DENND3: variants seen among roughly 807,000 people sequenced by gnomAD.
DENND3 encodes the protein DENN domain containing 3.
In DENND3, 88 loss-of-function variants were observed where a neutral mutation model predicts 135.1. The ratio of observed to expected loss-of-function variants is 0.65; its 90% CI spans 0.55 to 0.78. The LOEUF is 0.78. DENND3 is among the 30% of genes least tolerant of loss of function. The pLI is 0.00. For synonymous variants in DENND3, 693 were observed against 712.3 expected (o/e 0.97, Z 0.43); for missense variants, 1,392 against 1,688.4 (o/e 0.82, Z 3.08).
At chr8:141,184,885 A>T (rs1823690338) in intron 17 of DENND3, 2 of 392,720 alleles carry the variant, frequency 5.1e-6, no homozygotes, top group Non-Finnish European at 9.2e-6. Context: ...CAAAGCTCAC[A>T]GGCATTCGGC....
intron 13 of DENND3, among the ~76,000 whole-genome samples, chr8:141,172,975 A>G (rs1173239530): frequency 3.6e-5 from 3 of 84,294 alleles, no homozygotes; most frequent in African/African-American, 1.2e-4. Context: ...CCAGCAACTC[A>G]GAACCCCTGG....
intron 9 of DENND3, among the ~76,000 whole-genome samples, chr8:141,161,861 C>T (rs1490078480): frequency 1.4e-5 from 2 of 145,934 alleles, no homozygotes; most frequent in African/African-American, 5.1e-5. Context: ...AATGCAGTGA[C>T]GCCATCTGGG....
chr8:141,134,066 C>T (rs1323221918), intron 1 of DENND3, among the ~76,000 whole-genome samples: 2 of 151,908 alleles, frequency 1.3e-5, no homozygotes, highest in African/African-American at 4.8e-5. Flanking sequence ...CAAGGGAAAC[C>T]AGAAGGGAGG....
intron 9 of DENND3, among the ~76,000 whole-genome samples, chr8:141,163,008 C>A (rs1310043989): frequency 2.0e-5 from 3 of 152,230 alleles, no homozygotes; most frequent in Non-Finnish European, 4.4e-5. Context: ...CTGGCTGCCC[C>A]TCTGGGCTCC....
chr8:141,190,948 C>T (rs897559990), intron 20 of DENND3, among the ~76,000 whole-genome samples: 2 of 152,248 alleles, frequency 1.3e-5, no homozygotes, highest in Non-Finnish European at 2.9e-5. Context: ...CATTTCTGGA[C>T]GCCCCAGAGC....
In DENND3 at chr8:141,164,600, T is replaced by G. The variant is rs576430582; in HGVS notation, c.1450-586T>G. On this transcript the variant is annotated intron_variant, in intron 10 of 22. Coordinates refer to ENST00000519811, the MANE Select transcript of DENND3 (RefSeq NM_001352890.3). ...CTTGGAGAGTTGTTTTGCTTACAGCTTCCCAGTCGTTCTTTGGTTTGATGC... is the reference window on the plus strand; with the variant it reads ...CTTGGAGAGTTGTTTTGCTTACAGCGTCCCAGTCGTTCTTTGGTTTGATGC... Among the ~76,000 whole-genome samples, 14 of 152,346 alleles carry G rather than the reference T, an allele frequency of 9.2e-5. No homozygotes were observed. In the East Asian group the frequency reaches 2.7e-3, roughly 29 times the overall value.
rs1251964412 is a variant in DENND3 at position 141,130,212 on chromosome 8, C to CT, written c.102+1410dup. ...ACTGGAATATTTGCAGTGGTGCTTT[C>CT]TTTTTTTCAATTTCTTTATTATTAT... On this transcript the variant is annotated intron_variant, in intron 1 of 22. Transcript: ENST00000519811. This position sits in a 1 kb window ranked among gnomAD's most constrained non-coding sequence, Gnocchi z 4.2. Among the ~76,000 whole-genome samples the CT allele has an allele frequency of 6.6e-6, 1 of 152,114 alleles. No individual in the cohort carries two copies. The highest frequency in any genetic ancestry group is 1.5e-5 in the Non-Finnish European group (1 of 68,024).
chr8:141,178,624 G>A lies in DENND3; in HGVS notation c.2836+428G>A, dbSNP rs144585500. 2.0e-5 allele frequency among the ~76,000 whole-genome samples: 3 copies of A among 152,292 alleles called. No homozygotes were observed. The East Asian group carries it at 5.8e-4, about 29-fold the overall frequency. On this transcript the variant is annotated intron_variant, in intron 16 of 22. Coordinates refer to ENST00000519811, the MANE Select transcript of DENND3 (RefSeq NM_001352890.3). ...TAGGAACACACCTGCTGAGAAGCTG[G>A]GAACGTCTACACAGCTGGCCTGTTG...
Position 141,141,470 on chromosome 8 carries a change from C to A in DENND3, c.623+146C>A. On this transcript the variant is annotated intron_variant, in intron 4 of 22. Transcript: ENST00000519811. The surrounding 1 kb of genome is among the most constrained non-coding windows in gnomAD (Gnocchi z 5.3). ...GAGCCGGGGGACCGGGCGCTGGGGG[C>A]AGTAGGAGGGGCAGTTCTCTGTGCC... 1 of 919,658 alleles carries A rather than the reference C, an allele frequency of 1.1e-6. No individual in the cohort carries two copies. Among genetic ancestry groups the A allele is most frequent in the Non-Finnish European group, 1.6e-6 (1 of 630,632 alleles). The allele number at this position is 919,658 out of a possible 1,614,324, so 57.0% of individuals were successfully genotyped here.
chr8:141,143,900 G>T, intron 4 of DENND3: 1 of 392,994 alleles, frequency 2.5e-6, no homozygotes, highest in Non-Finnish European at 4.6e-6. Context: ...ACCCAGATGA[G>T]GAAACAGAGC....
intron 13 of DENND3, among the ~76,000 whole-genome samples, chr8:141,172,917 TAA>T (rs750587201): frequency 3.2e-5 from 4 of 126,190 alleles, no homozygotes; most frequent in Non-Finnish European, 1.7e-5. Context: ...TCTCTAAATT[TAA>T]AAAAAAAAAA....
Position 141,139,551 on chromosome 8 carries a change from A to G in DENND3, c.501+1414A>G, listed in dbSNP as rs1817201689. Among the ~76,000 whole-genome samples, 1 of 152,132 alleles carries G rather than the reference A, an allele frequency of 6.6e-6. No homozygotes were observed. Among genetic ancestry groups the G allele is most frequent in the Non-Finnish European group, 1.5e-5 (1 of 68,012 alleles). ...CTTCCAGGGTTATGTTAATGGAGGG[A>G]TGAGAGGAAGGTGCCCCTCCACGTA... On this transcript the variant is annotated intron_variant, in intron 3 of 22. Coordinates refer to ENST00000519811, the MANE Select transcript of DENND3 (RefSeq NM_001352890.3). This position sits in a 1 kb window ranked among gnomAD's most constrained non-coding sequence, Gnocchi z 4.2.
intron 1 of DENND3, among the ~76,000 whole-genome samples, chr8:141,133,048 G>A (rs973920608): frequency 2.0e-5 from 3 of 152,216 alleles, no homozygotes; most frequent in African/African-American, 7.2e-5. Context: ...GATGCTCCAG[G>A]GGGTGATGAG....
intron 13 of DENND3, among the ~76,000 whole-genome samples, chr8:141,170,179 A>C (rs771448621): frequency 1.3e-5 from 2 of 152,074 alleles, no homozygotes; most frequent in African/African-American, 2.4e-5. Context: ...GCCCATTTTT[A>C]TCTTGGGCTG....
rs1216541074 is a variant in DENND3, at chr8:141,195,688, G to T, written c.*1455G>T. 6.6e-6 allele frequency: 1 copy of T among 152,192 alleles called. No homozygotes were observed. The highest frequency in any genetic ancestry group is 1.9e-4 in the East Asian group (1 of 5,194). 9.4% of individuals were successfully genotyped at this position (152,192 alleles called of 1,614,324 possible). A position where few individuals can be genotyped will look rare whatever the true frequency, so the allele number is the denominator to read the frequency against. ...TTGGATTTTGCTTTTGTAAACACAT[G>T]AATCCTTATGATAAAAGTCTGTCAG... On this transcript the variant is annotated 3_prime_UTR_variant, in exon 23 of 23. Transcript: ENST00000519811.
chr8:141,169,180 C>G (rs1194190643), intron 13 of DENND3, among the ~76,000 whole-genome samples: 1 of 152,214 alleles, frequency 6.6e-6, no homozygotes, highest in Non-Finnish European at 1.5e-5. Context: ...AAATGCTTAA[C>G]GACAGTGGTC....
In DENND3 at chr8:141,145,803, TTATATATATA is replaced by T. The variant is rs60546894; in HGVS notation, c.735+1582_735+1591del. Among the ~76,000 whole-genome samples the T allele has an allele frequency of 6.6e-3, 571 of 87,054 alleles. 4 individuals are homozygous for T. The highest frequency in any genetic ancestry group is 0.01 in the African/African-American group (251 of 24,470). 57.1% of individuals were successfully genotyped at this position (87,054 alleles called of 152,430 possible). ...GTTTATTTGTCTTTAATATTGAATA[TTATATATATA>T]TATATATATATATATATATATATAT... On this transcript the variant is annotated intron_variant, in intron 5 of 22. Coordinates refer to ENST00000519811, the MANE Select transcript of DENND3 (RefSeq NM_001352890.3).
In DENND3 at chr8:141,176,654, G is replaced by A; in HGVS notation, c.2599G>A (p.Ala867Thr). 5 of 1,614,240 alleles carry A rather than the reference G, an allele frequency of 3.1e-6. No homozygotes were observed. In the East Asian group the frequency reaches 8.9e-5, roughly 29 times the overall value. Residue 867 changes from alanine (A) to threonine (T), a missense_variant, in exon 15 of 23, where the codon GCG becomes ACG. By Grantham distance (58) the Ala-to-Thr change is moderately conservative (BLOSUM62 0). Transcript: ENST00000519811. ...AATACCCACTTTAAAAATCAGAGTG[G>A]CGTCCAAGAAAGAAGTCTTCGAAGC... ...RRIPTLKIRV[A>T]SKKEVFEANL... is the part of the protein sequence containing the mutation.
Position 141,163,341 on chromosome 8 carries a change from A to G in DENND3, c.1361A>G (p.Lys454Arg), listed in dbSNP as rs1172945738. The G allele has an allele frequency of 1.9e-6, 3 of 1,598,936 alleles. No homozygotes were observed. In the African/African-American group the frequency reaches 4.0e-5, roughly 21 times the overall value. Residue 454 changes from lysine (K) to arginine (R), a missense_variant, in exon 10 of 23, where the codon AAG (lysine) becomes AGG (arginine). Physicochemically the swap from Lys to Arg is conservative, Grantham distance 26. Coordinates refer to ENST00000519811, the MANE Select transcript of DENND3 (RefSeq NM_001352890.3). ...CTCTTTCTCTTTGTTAGGGATGTAA[A>G]GAATCATTTAAACTATGAACACAGA... ...QLLVSIFRDV[K>R]NHLNYEHRVF...
Sources: gnomAD v4.1 joint callset for allele counts (sites outside exome capture counted in the v4.1 genomes callset) on GRCh38, gnomAD v4.1.1 for gene constraint, Gnocchi (gnomAD v3.1) non-coding constraint, MANE v1.5 for transcripts, NCBI Gene and HGNC (gene_info 2026-07-23, HGNC 2026-07-21) for gene names.